Variants in ANKRD11 observed in about 807,000 individuals in gnomAD.
The protein encoded by ANKRD11 is ankyrin repeat domain 11.
A neutral mutation model predicts 195.7 loss-of-function variants in ANKRD11; 17 were observed. The ratio of observed to expected loss-of-function variants is 0.09; its 90% confidence interval spans 0.06 to 0.13. The LOEUF is 0.13. Among genes scored for constraint, ANKRD11 ranks in the 10% least tolerant of loss-of-function variants. ANKRD11 has a pLI of 1.00. For synonymous variants in ANKRD11, 1,953 were observed against 1,528.1 expected, an observed-to-expected ratio of 1.28 and a Z score of -6.49; for missense variants, 3,735 against 3,566.1, an observed-to-expected ratio of 1.05 and a Z score of -1.21.
At chr16:89,387,692 GAAAAAAAAAAAA>G (rs920498026) in intron 2 of ANKRD11, among the ~76,000 whole-genome samples, 94 of 67,512 alleles carry the variant, frequency 1.4e-3, no homozygotes, top group Non-Finnish European at 2.5e-3. Flanking sequence ...AAAAGAAAAA[GAAAAAAAAAAAA>G]AAAAAAGACT....
chr16:89,363,198 A>C (rs2039805552), intron 2 of ANKRD11, among the ~76,000 whole-genome samples: 1 of 152,188 alleles, frequency 6.6e-6, no homozygotes, highest in Non-Finnish European at 1.5e-5. Flanking sequence ...TTTCCAGATA[A>C]AAGAATTCTG....
rs756398642 is a variant in ANKRD11 at position 89,280,897 on chromosome 16, A to G, written c.5645T>C (p.Val1882Ala). Residue 1882 changes from valine (V) to alanine (A), a missense_variant, in exon 9 of 13, where the codon GTC (valine) becomes GCC (alanine). Val to Ala is a moderately conservative substitution (Grantham distance 64). Transcript: ENST00000301030. ...AGGTTTTGCTTGTAAACTTGAGAAG[A>G]CGCCCTCTGGAGACGGGGTGACAGT... ...VVTVTPSPEGVFSSLQAKPSP... is the reference protein window; with the variant it reads ...VVTVTPSPEGAFSSLQAKPSP... 6 of 1,602,930 alleles carry G rather than the reference A, an allele frequency of 3.7e-6. No individual in the cohort carries two copies. The highest frequency in any genetic ancestry group is 1.7e-6 in the Non-Finnish European group (2 of 1,172,302).
At chr16:89,342,528 C>T (rs1345356220) in intron 2 of ANKRD11, among the ~76,000 whole-genome samples, 3 of 152,344 alleles carry the variant, frequency 2.0e-5, no homozygotes, top group East Asian at 3.9e-4. Flanking sequence ...CTGCGGCCTG[C>T]GTGGCTCTCT....
At chr16:89,399,032 G>A (rs992126611) in intron 2 of ANKRD11, among the ~76,000 whole-genome samples, 2 of 152,252 alleles carry the variant, frequency 1.3e-5, no homozygotes, top group South Asian at 2.1e-4. Context: ...TCTGTGAGAC[G>A]CAGTTTCCAA....
At chr16:89,277,013 G>A (rs1484459543) in intron 9 of ANKRD11, among the ~76,000 whole-genome samples, 5 of 149,742 alleles carry the variant, frequency 3.3e-5, no homozygotes, top group African/African-American at 7.4e-5. Context: ...CCGACATCAC[G>A]CCACTGCACT....
intron 2 of ANKRD11, among the ~76,000 whole-genome samples, chr16:89,344,463 C>G (rs144458486): frequency 6.6e-6 from 1 of 152,304 alleles, no homozygotes; most frequent in East Asian, 1.9e-4. Flanking sequence ...TAGAAAATAT[C>G]CATCTGTCTG....
chr16:89,397,542 G>C (rs535106406), intron 2 of ANKRD11, among the ~76,000 whole-genome samples: 24 of 152,354 alleles, frequency 1.6e-4, no homozygotes, highest in African/African-American at 5.3e-4. Flanking sequence ...TGACGGGGAA[G>C]GGTTGAGCCC....
intron 2 of ANKRD11, among the ~76,000 whole-genome samples, chr16:89,334,557 C>A (rs771268088): frequency 6.6e-6 from 1 of 152,162 alleles, no homozygotes; most frequent in African/African-American, 2.4e-5. Flanking sequence ...AGTGGGCATG[C>A]GGCATGCTAT....
At chr16:89,332,469 G>T (rs996833519) in intron 2 of ANKRD11, among the ~76,000 whole-genome samples, 3 of 152,208 alleles carry the variant, frequency 2.0e-5, no homozygotes, top group Non-Finnish European at 2.9e-5. Context: ...GCTCTGGGGA[G>T]AAATGACACC....
chr16:89,342,916 C>T (rs2038758817), intron 2 of ANKRD11, among the ~76,000 whole-genome samples: 1 of 152,206 alleles, frequency 6.6e-6, no homozygotes. Context: ...AGGCTCATAT[C>T]CCAGAGCCCA....
intron 2 of ANKRD11, among the ~76,000 whole-genome samples, chr16:89,322,738 G>A (rs1407433611): frequency 1.3e-5 from 2 of 152,154 alleles, no homozygotes; most frequent in East Asian, 1.9e-4. Flanking sequence ...GGCACCAGGG[G>A]CTTGCTCCCA....
At chr16:89,418,043 A>G (rs533415632) in intron 2 of ANKRD11, among the ~76,000 whole-genome samples, 12 of 152,186 alleles carry the variant, frequency 7.9e-5, no homozygotes, top group South Asian at 2.1e-4. Context: ...AACCTATTTA[A>G]TTTTTCAGCA....
At chr16:89,440,804 C>T (rs1231359230) in intron 1 of ANKRD11, among the ~76,000 whole-genome samples, 7 of 152,192 alleles carry the variant, frequency 4.6e-5, no homozygotes, top group Admixed American at 3.3e-4. Context: ...CCTGCCGGGA[C>T]TGAAAATAAA....
At chr16:89,319,536 C>T (rs948116272) in intron 2 of ANKRD11, among the ~76,000 whole-genome samples, 2 of 152,270 alleles carry the variant, frequency 1.3e-5, no homozygotes, top group Non-Finnish European at 2.9e-5. Context: ...GGCCGTGGCC[C>T]TTCCAGGACC....
intron 2 of ANKRD11, among the ~76,000 whole-genome samples, chr16:89,406,215 T>G (rs1313131615): frequency 2.0e-5 from 3 of 152,054 alleles, no homozygotes; most frequent in Non-Finnish European, 4.4e-5. Flanking sequence ...AGCAAGGGGT[T>G]TGGTGCTGTG....
At chr16:89,306,364 C>T (rs1487457683) in intron 3 of ANKRD11, among the ~76,000 whole-genome samples, 2 of 67,082 alleles carry the variant, frequency 3.0e-5, no homozygotes, top group Non-Finnish European at 2.8e-5. Context: ...CCTCCCACTC[C>T]GCAGACACGC....
chr16:89,323,283 A>AG, intron 2 of ANKRD11: 1 of 1,288,724 alleles, frequency 7.8e-7, no homozygotes, highest in South Asian at 1.2e-5. Context: ...TACTGTGTGC[A>AG]AAGCCCTTGA....
intron 1 of ANKRD11, among the ~76,000 whole-genome samples, chr16:89,458,664 G>C (rs2056539219): frequency 6.6e-6 from 1 of 152,198 alleles, no homozygotes; most frequent in Non-Finnish European, 1.5e-5. Context: ...CATCTCCAAG[G>C]CTGCTTGCTA....
At chr16:89,395,500 G>A (rs1038328400) in intron 2 of ANKRD11, among the ~76,000 whole-genome samples, 4 of 152,200 alleles carry the variant, frequency 2.6e-5, no homozygotes, top group African/African-American at 7.2e-5. Context: ...AGGAACAGAC[G>A]CACAGACCCA....
Sources: allele counts gnomAD v4.1 joint callset (sites outside exome capture counted in the v4.1 genomes callset), GRCh38; gene constraint gnomAD v4.1.1; transcripts MANE v1.5; gene names NCBI Gene and HGNC (gene_info 2026-07-23, HGNC 2026-07-21).